The following LHFPL6 variants were observed in gnomAD, a reference collection of about 807,000 sequenced individuals.
LHFPL6 encodes the protein LHFPL tetraspan subfamily member 6.
In LHFPL6, 9 loss-of-function variants were observed where a neutral mutation model predicts 20.6. The observed-to-expected ratio is 0.44, with a 90% CI of 0.26 to 0.76. LHFPL6 has a LOEUF of 0.76. LHFPL6 is among the 30% of genes least tolerant of loss of function. The pLI is 0.20. For missense variants in LHFPL6, 218 were observed against 253.5 expected (o/e 0.86, Z 0.95); for synonymous variants, 105 against 98.7 (o/e 1.06, Z -0.38).
In LHFPL6 at chr13:39,537,787, C is replaced by T. The variant is rs552177723; in HGVS notation, c.385+63045G>A. On this transcript the variant is annotated intron_variant, in intron 2 of 3. Transcript: ENST00000379589. ...TAGGCCTACCCCCATTCTGCTAAGC[C>T]GCTACAAAATTTCATGGAGTAAGAA... Among the ~76,000 whole-genome samples the T allele has an allele frequency of 6.6e-5, 10 of 152,022 alleles. No individual in the cohort carries two copies. The South Asian group carries it at 1.7e-3, about 25-fold the overall frequency.
intron 3 of LHFPL6, among the ~76,000 whole-genome samples, chr13:39,353,233 G>A (rs1182579259): frequency 3.3e-5 from 5 of 150,960 alleles, no homozygotes; most frequent in South Asian, 2.1e-4. Flanking sequence ...TAATCCAGCC[G>A]CCTCGGCCTT....
chr13:39,360,445 C>T lies in LHFPL6; in HGVS notation c.485-16391G>A, dbSNP rs1407591567. 1.0e-4 allele frequency among the ~76,000 whole-genome samples: 10 copies of T among 97,986 alleles called. 4 individuals are homozygous for T. Among genetic ancestry groups the T allele is most frequent in the Non-Finnish European group, 2.4e-4 (10 of 41,454 alleles). 64.3% of individuals were successfully genotyped at this position (97,986 alleles called of 152,430 possible). A position where few individuals can be genotyped will look rare whatever the true frequency, so the allele number is the denominator to read the frequency against. On this transcript the variant is annotated intron_variant, in intron 3 of 3. Transcript: ENST00000379589. The stretch of plus-strand genomic sequence containing the variant: ...GACACACTCAAGCTATGGCATTAAG[C>T]GCTCTCCATAACCACGCATGTCAAA...
chr13:39,475,444 G>T (rs1448635913), intron 2 of LHFPL6, among the ~76,000 whole-genome samples: 2 of 150,338 alleles, frequency 1.3e-5, no homozygotes, highest in Admixed American at 1.3e-4. Context: ...TTTTTTGGAA[G>T]GAAGGAAGCC....
chr13:39,363,027 T>G (rs1196668364), intron 3 of LHFPL6, among the ~76,000 whole-genome samples: 2 of 152,204 alleles, frequency 1.3e-5, no homozygotes, highest in African/African-American at 4.8e-5. Context: ...TGGTTATATA[T>G]TCGATGTGGG....
At chr13:39,450,150 A>C (rs1056680944) in intron 2 of LHFPL6, among the ~76,000 whole-genome samples, 4 of 152,232 alleles carry the variant, frequency 2.6e-5, no homozygotes, top group African/African-American at 9.6e-5. Flanking sequence ...AAAGAGTCTA[A>C]ATTTCTAAAG....
chr13:39,540,732 TA>T (rs1433145421), intron 2 of LHFPL6, among the ~76,000 whole-genome samples: 3 of 152,168 alleles, frequency 2.0e-5, no homozygotes, highest in African/African-American at 7.2e-5. Flanking sequence ...ACAACTATTT[TA>T]GTGAGAAAAT....
At chr13:39,531,659 C>A (rs989816074) in intron 2 of LHFPL6, among the ~76,000 whole-genome samples, 2 of 152,188 alleles carry the variant, frequency 1.3e-5, no homozygotes, top group African/African-American at 4.8e-5. Context: ...AGCTTCCCAT[C>A]AGCCCCTGAA....
At chr13:39,473,672 T>C (rs146884601) in intron 2 of LHFPL6, among the ~76,000 whole-genome samples, 50 of 152,338 alleles carry the variant, frequency 3.3e-4, no homozygotes, top group African/African-American at 1.1e-3. Context: ...ACAGAAGTCC[T>C]ACCTGAGTCA....
chr13:39,390,730 C>G (rs1047477446), intron 2 of LHFPL6, among the ~76,000 whole-genome samples: 1 of 152,202 alleles, frequency 6.6e-6, no homozygotes, highest in Non-Finnish European at 1.5e-5. Context: ...TGCAGAGGCT[C>G]ACACCTGTAA....
At chr13:39,474,744 C>T (rs528766410) in intron 2 of LHFPL6, among the ~76,000 whole-genome samples, 15 of 151,976 alleles carry the variant, frequency 9.9e-5, no homozygotes, top group African/African-American at 3.4e-4. Context: ...AGAAGATGTC[C>T]CAGGCCACAG....
chr13:39,548,664 G>A (rs1871052012), intron 2 of LHFPL6, among the ~76,000 whole-genome samples: 1 of 152,080 alleles, frequency 6.6e-6, no homozygotes. Context: ...GCAGAAAAGA[G>A]ATAGAAAAAG....
intron 2 of LHFPL6, among the ~76,000 whole-genome samples, chr13:39,470,948 C>G (rs998822392): frequency 3.3e-5 from 5 of 152,222 alleles, no homozygotes; most frequent in Admixed American, 3.3e-4. Context: ...AATCAATATT[C>G]AGTGGACATC....
At chr13:39,392,817 T>C (rs1306063035) in intron 2 of LHFPL6, among the ~76,000 whole-genome samples, 1 of 151,680 alleles carries the variant, frequency 6.6e-6, no homozygotes, top group Non-Finnish European at 1.5e-5. Flanking sequence ...TAATATATAA[T>C]AAAGATATAT....
chr13:39,586,533 A>C (rs1293046726), intron 2 of LHFPL6, among the ~76,000 whole-genome samples: 2 of 152,212 alleles, frequency 1.3e-5, no homozygotes. Flanking sequence ...GAGGAACTAG[A>C]AAGAAAAAAA....
At chr13:39,350,839 AG>A in intron 3 of LHFPL6, among the ~76,000 whole-genome samples, 1 of 152,346 alleles carries the variant, frequency 6.6e-6, no homozygotes. Flanking sequence ...ATTCCAGGGC[AG>A]CCCCAGAGTA....
At chr13:39,528,893 A>G (rs557542342) in intron 2 of LHFPL6, among the ~76,000 whole-genome samples, 1 of 152,336 alleles carries the variant, frequency 6.6e-6, no homozygotes, top group Admixed American at 6.5e-5. Context: ...GACACTTTCG[A>G]AGGAAAAAAA....
chr13:39,351,814 C>T (rs1245733782), intron 3 of LHFPL6, among the ~76,000 whole-genome samples: 1 of 152,166 alleles, frequency 6.6e-6, no homozygotes, highest in Non-Finnish European at 1.5e-5. Flanking sequence ...AAAGCAAACA[C>T]CAAACTGTAC....
chr13:39,545,253 A>AAG (rs1359276462), intron 2 of LHFPL6, among the ~76,000 whole-genome samples: 1 of 150,810 alleles, frequency 6.6e-6, no homozygotes, highest in Non-Finnish European at 1.5e-5. Flanking sequence ...CTCAAAAAAA[A>AAG]AAAAAAAAAA....
intron 2 of LHFPL6, among the ~76,000 whole-genome samples, chr13:39,554,129 A>C (rs1871228248): frequency 6.6e-6 from 1 of 152,188 alleles, no homozygotes; most frequent in Non-Finnish European, 1.5e-5. Context: ...TAACACCATT[A>C]CTTGTCCTAT....
Sources: allele counts gnomAD v4.1 joint callset (sites outside exome capture counted in the v4.1 genomes callset), GRCh38; gene constraint gnomAD v4.1.1; transcripts MANE v1.5; gene names NCBI Gene and HGNC (gene_info 2026-07-23, HGNC 2026-07-21).